RYR2: variants seen among roughly 807,000 people sequenced by gnomAD.
RYR2 encodes the protein cardiac muscle ryanodine receptor-calcium release channel.
Under a neutral mutation model 601.1 loss-of-function variants are expected in RYR2, and 227 were observed. That is an observed-to-expected ratio of 0.38 (90% CI 0.34 to 0.42). The LOEUF is 0.42. Among genes scored for constraint, RYR2 ranks in the 10% least tolerant of loss-of-function variants. RYR2 has a pLI of 1.00. For missense variants in RYR2, 4,646 were observed against 6,156.5 expected (o/e 0.75, Z 8.21); for synonymous variants, 2,223 against 2,175.1 (o/e 1.02, Z -0.61).
At chr1:237,325,903 G>T (rs540327692) in intron 2 of RYR2, among the ~76,000 whole-genome samples, 2 of 152,098 alleles carry the variant, frequency 1.3e-5, no homozygotes, top group Non-Finnish European at 2.9e-5. Flanking sequence ...GGACCTTCAC[G>T]CCGAGGGAGA....
intron 1 of RYR2, among the ~76,000 whole-genome samples, chr1:237,202,608 A>G (rs1173322305): frequency 1.3e-5 from 2 of 152,166 alleles, no homozygotes; most frequent in Non-Finnish European, 2.9e-5. Flanking sequence ...TGGTTTTGCT[A>G]TGTTGGCTAG....
intron 56 of RYR2, among the ~76,000 whole-genome samples, chr1:237,666,099 C>T (rs1684304887): frequency 2.0e-5 from 3 of 152,160 alleles, no homozygotes; most frequent in Admixed American, 6.5e-5. Context: ...GTTGGTTATA[C>T]TTTATCCTAA....
chr1:237,438,356 C>G (rs1311475079), intron 12 of RYR2, among the ~76,000 whole-genome samples: 1 of 151,968 alleles, frequency 6.6e-6, no homozygotes, highest in Admixed American at 6.6e-5. Context: ...TTTCTAGTTT[C>G]TTTGTATCTG....
Position 237,407,454 on chromosome 1 carries a change from T to C in RYR2, c.774-9595T>C, listed in dbSNP as rs371417065. Among the ~76,000 whole-genome samples the C allele has an allele frequency of 2.0e-5, 3 of 152,314 alleles. No homozygotes were observed. The South Asian group carries it at 6.2e-4, about 32-fold the overall frequency. ...TCCTCTCCAGCATTTAATGTTGCAGTATTCCAGGTTTTGGCCATTGTAACA... is the reference window on the plus strand; with the variant it reads ...TCCTCTCCAGCATTTAATGTTGCAGCATTCCAGGTTTTGGCCATTGTAACA... On this transcript the variant is annotated intron_variant, in intron 10 of 104. Coordinates refer to ENST00000366574, the MANE Select transcript of RYR2 (RefSeq NM_001035.3).
chr1:237,674,724 C>G lies in RYR2; in HGVS notation c.8715-7C>G, dbSNP rs1015823961. On this transcript the variant is annotated splice_polypyrimidine_tract_variant and splice_region_variant and intron_variant, in intron 59 of 104. Transcript: ENST00000366574. ...TTGCTTTCCCATTTTCATTTTTGCT[C>G]TTCCAGAGGATTTAAGGACCTGGAA... is the stretch of plus-strand genomic sequence containing the variant. The G allele has an allele frequency of 1.3e-6, 2 of 1,576,698 alleles. No homozygotes were observed. Among genetic ancestry groups the G allele is most frequent in the Admixed American group, 3.4e-5 (2 of 59,628 alleles).
At chr1:237,464,568 C>T (rs1441025379) in intron 16 of RYR2, among the ~76,000 whole-genome samples, 1 of 152,060 alleles carries the variant, frequency 6.6e-6, no homozygotes, top group Non-Finnish European at 1.5e-5. Flanking sequence ...AGCAGTCCCA[C>T]TAATATCAAT....
At chr1:237,308,746 G>C (rs1558596165) in intron 2 of RYR2, among the ~76,000 whole-genome samples, 1 of 152,238 alleles carries the variant, frequency 6.6e-6, no homozygotes, top group South Asian at 2.1e-4. Flanking sequence ...TTTACTGCAA[G>C]GCGTGAAAGA....
At chr1:237,373,685 T>C (rs114629351) in intron 6 of RYR2, among the ~76,000 whole-genome samples, 54 of 152,274 alleles carry the variant, frequency 3.5e-4, no homozygotes, top group African/African-American at 1.3e-3. Context: ...AATATACAGT[T>C]AGGAACACGT....
Position 237,330,879 on chromosome 1 carries a change from A to G in RYR2, c.170A>G (p.Asn57Ser), listed in dbSNP as rs1312732364. 1 of 1,613,484 alleles carries G rather than the reference A, an allele frequency of 6.2e-7. No homozygotes were observed. The highest frequency in any genetic ancestry group is 8.5e-7 in the Non-Finnish European group (1 of 1,179,428). The change falls in exon 3 of 105, where the codon AAT (asparagine) becomes AGT (serine). Residue 57 changes from asparagine (N) to serine (S), a missense_variant and splice_region_variant. Physicochemically the swap from Asn to Ser is conservative, Grantham distance 46. Around this residue, in one of 17 missense-constraint regions of RYR2, gnomAD observed 153 missense variants for 203.6 expected, o/e 0.75. Transcript: ENST00000366574. ...CFLESTSNSKNVPPDLSICTF... is the reference protein window; with the variant it reads ...CFLESTSNSKSVPPDLSICTF... ...ACTGCTCTTCCTCTTTCTGTGCAGA[A>G]TGTGCCCCCAGACCTCTCCATCTGC...
intron 71 of RYR2, 62 bp downstream of exon 71, chr1:237,711,899 C>CTTT: frequency 1.6e-6 from 1 of 607,348 alleles, no homozygotes; most frequent in East Asian, 3.4e-5. Context: ...CATGAATTGA[C>CTTT]TTTTTTTTTT....
chr1:237,118,592 T>G (rs1008109226), intron 1 of RYR2, among the ~76,000 whole-genome samples: 3 of 151,786 alleles, frequency 2.0e-5, no homozygotes, highest in Non-Finnish European at 4.4e-5. Context: ...TATTGTTTGT[T>G]TGTTTTTGTT....
rs751006322 is a variant in RYR2, at chr1:237,708,983, G to C, written c.10027G>C (p.Glu3343Gln). 6.2e-7 allele frequency: 1 copy of C among 1,613,822 alleles called. No homozygotes were observed. ...GTCTGAGGAAGACCACCTGAAAGCTGAGGCCAGGGGGGACATGTCGGAGGC... is the reference window on the plus strand; with the variant it reads ...GTCTGAGGAAGACCACCTGAAAGCTCAGGCCAGGGGGGACATGTCGGAGGC... ...VVSEEDHLKAEARGDMSEAEL... is the reference protein window; with the variant it reads ...VVSEEDHLKAQARGDMSEAEL... The change falls in exon 69 of 105, where the codon GAG becomes CAG. Residue 3343 changes from glutamate to glutamine, a missense_variant. Coordinates refer to ENST00000366574, the MANE Select transcript of RYR2 (RefSeq NM_001035.3).
At position 237,534,865 on chromosome 1, in the gene RYR2, C is replaced by A. The variant is rs114756987; in HGVS notation, c.2906+4355C>A. ...TTTTAGGTTGATGAATATGAATTGC[C>A]TATATTTATGGTATACCACATGATA... On this transcript the variant is annotated intron_variant, in intron 25 of 104. Coordinates refer to ENST00000366574, the MANE Select transcript of RYR2 (RefSeq NM_001035.3). 9.4e-3 allele frequency among the ~76,000 whole-genome samples: 1,425 copies of A among 151,766 alleles called. 25 individuals are homozygous for A. The highest frequency in any genetic ancestry group is 0.032 in the African/African-American group (1,345 of 41,448).
intron 29 of RYR2, among the ~76,000 whole-genome samples, chr1:237,570,114 A>C (rs557166846): frequency 1.3e-5 from 2 of 151,358 alleles, no homozygotes; most frequent in African/African-American, 4.8e-5. Context: ...GCTATTTGAG[A>C]GGCTGAGGCA....
intron 49 of RYR2, among the ~76,000 whole-genome samples, chr1:237,649,498 C>T (rs751384930): frequency 9.2e-5 from 14 of 152,098 alleles, no homozygotes; most frequent in Admixed American, 2.0e-4. Flanking sequence ...AAAGAATTTA[C>T]GCATATGAGA....
At chr1:237,689,354 C>T (rs528258225) in intron 63 of RYR2, among the ~76,000 whole-genome samples, 8 of 152,280 alleles carry the variant, frequency 5.3e-5, no homozygotes, top group East Asian at 1.9e-4. Context: ...AGACATAGAA[C>T]GTTTCCAACA....
At chr1:237,116,464 TCAGAAGCAATTGAAA>T (rs1188692530) in intron 1 of RYR2, among the ~76,000 whole-genome samples, 4 of 152,034 alleles carry the variant, frequency 2.6e-5, no homozygotes, top group Non-Finnish European at 5.9e-5. Context: ...CTCCAGAGAA[TCAGAAGCAATTGAAA>T]CAGAAGCAAT....
chr1:237,151,292 A>G (rs1039679971), intron 1 of RYR2, among the ~76,000 whole-genome samples: 1 of 152,198 alleles, frequency 6.6e-6, no homozygotes, highest in African/African-American at 2.4e-5. Context: ...GAAACCGAGT[A>G]TGTGCCTGTT....
chr1:237,539,695 G>A (rs1669044531), intron 25 of RYR2, among the ~76,000 whole-genome samples: 1 of 152,110 alleles, frequency 6.6e-6, no homozygotes, highest in South Asian at 2.1e-4. Context: ...TGTAGGGAGT[G>A]GGGCATGGGG....
Sources: gnomAD v4.1 joint callset for allele counts (sites outside exome capture counted in the v4.1 genomes callset) on GRCh38, gnomAD v4.1.1 for gene constraint, gnomAD v4.1.1 regional missense constraint, MANE v1.5 for transcripts, NCBI Gene and HGNC (gene_info 2026-07-23, HGNC 2026-07-21) for gene names.